The following TANC2 variants were observed in gnomAD, a reference collection of about 807,000 sequenced individuals.
TANC2 encodes protein TANC2.
TANC2 carries 26 observed loss-of-function variants against 210.5 expected under a neutral mutation model. The observed-to-expected ratio is 0.12, with a 90% CI of 0.09 to 0.17. The LOEUF is 0.17. TANC2 is among the 10% of genes least tolerant of loss of function. The pLI is 1.00. For synonymous variants in TANC2, 931 were observed against 967.1 expected (o/e 0.96, Z 0.69); for missense variants, 2,129 against 2,608.9 (o/e 0.82, Z 4.01).
intron 8 of TANC2, among the ~76,000 whole-genome samples, chr17:63,247,913 A>G (rs1360994653): frequency 6.6e-6 from 1 of 152,116 alleles, no homozygotes; most frequent in Non-Finnish European, 1.5e-5. Flanking sequence ...TCTGGAAACC[A>G]TGGTTTCAGG....
At chr17:62,986,407 T>G (rs1316540512) in intron 1 of TANC2, among the ~76,000 whole-genome samples, 1 of 152,186 alleles carries the variant, frequency 6.6e-6, no homozygotes, top group East Asian at 1.9e-4. Context: ...ACACACCTGC[T>G]TGGCTGACCT....
rs1293073210 is a variant in TANC2 at position 63,426,256 on chromosome 17, C to G, written c.*4301C>G. The G allele has an allele frequency of 2.6e-5, 4 of 152,330 alleles. No individual in the cohort carries two copies. In the East Asian group the frequency reaches 7.7e-4, roughly 29 times the overall value. 9.4% of individuals were successfully genotyped at this position (152,330 alleles called of 1,614,324 possible). A position where few individuals can be genotyped will look rare whatever the true frequency, so the allele number is the denominator to read the frequency against. ...CCTCTAGGAATTCCAGACCGACCAT[C>G]TACCATGACTAACAACAATGAACAA... On this transcript the variant is annotated 3_prime_UTR_variant, in exon 28 of 28. Coordinates refer to ENST00000689528, the Ensembl canonical transcript of TANC2.
rs1278305517 is a variant in TANC2, at chr17:63,395,736, C to T, written c.3052-7C>T. On this transcript the variant is annotated splice_polypyrimidine_tract_variant and splice_region_variant and intron_variant, in intron 17 of 27. Transcript: ENST00000689528. ...GTTCACACATATCTCCTGTCCTCTC[C>T]TCTTAGGTGGATCATTTGGATAAGA... The T allele has an allele frequency of 1.2e-6, 2 of 1,612,694 alleles. No homozygotes were observed. The highest frequency in any genetic ancestry group is 2.2e-5 in the East Asian group (1 of 44,856).
chr17:63,304,308 T>C (rs1042775226), intron 9 of TANC2, among the ~76,000 whole-genome samples: 1 of 152,208 alleles, frequency 6.6e-6, no homozygotes, highest in Non-Finnish European at 1.5e-5. Context: ...GCTTTCTGTT[T>C]GTTTTTCTTG....
intron 7 of TANC2, among the ~76,000 whole-genome samples, chr17:63,211,848 G>A (rs2041895671): frequency 1.3e-5 from 2 of 152,166 alleles, no homozygotes; most frequent in Admixed American, 1.3e-4. Flanking sequence ...AGGAGGGAAT[G>A]AAAGGCTCAC....
chr17:63,183,062 A>G (rs955233743), intron 5 of TANC2, among the ~76,000 whole-genome samples: 1 of 115,876 alleles, frequency 8.6e-6, no homozygotes, highest in Non-Finnish European at 1.7e-5. Flanking sequence ...ATGAGGCCAC[A>G]TAATAGGACC....
chr17:63,059,312 G>A (rs143324198), intron 2 of TANC2, among the ~76,000 whole-genome samples: 5 of 152,186 alleles, frequency 3.3e-5, no homozygotes, highest in African/African-American at 9.6e-5. Flanking sequence ...ATTTTCTTCT[G>A]TACTTTGTTT....
chr17:63,261,133 A>G (rs2043343012), intron 8 of TANC2, among the ~76,000 whole-genome samples: 1 of 152,102 alleles, frequency 6.6e-6, no homozygotes, highest in Non-Finnish European at 1.5e-5. Context: ...CCTCCCAGCT[A>G]CTTCGGAGGC....
chr17:63,181,654 A>G (rs965450890), intron 5 of TANC2, among the ~76,000 whole-genome samples: 4 of 152,188 alleles, frequency 2.6e-5, no homozygotes, highest in Non-Finnish European at 2.9e-5. Flanking sequence ...ACCACCTTAA[A>G]TTCTGCTTTG....
rs534710528 is a variant in TANC2, at chr17:63,269,571, T to C, written c.1159+1698T>C. ...TTGACTTTATTTTCTGCTTTACTAA[T>C]CATTGAATAATAGATGTTATACTAC... On this transcript the variant is annotated intron_variant, in intron 9 of 27. Coordinates refer to ENST00000689528, the Ensembl canonical transcript of TANC2. Among the ~76,000 whole-genome samples, 8 of 152,312 alleles carry C rather than the reference T, an allele frequency of 5.3e-5. No homozygotes were observed. In the South Asian group the frequency reaches 1.2e-3, roughly 24 times the overall value.
intron 2 of TANC2, among the ~76,000 whole-genome samples, chr17:63,030,250 G>A (rs111939333): frequency 1.9e-3 from 295 of 152,196 alleles, no homozygotes; most frequent in African/African-American, 6.8e-3. Context: ...TGGTAGTTAG[G>A]ATGGTTAGAA....
intron 15 of TANC2, 36 bp from the exon 16 acceptor site, chr17:63,388,599 G>T (rs1226310226): frequency 1.9e-6 from 3 of 1,568,038 alleles, no homozygotes; most frequent in East Asian, 2.3e-5. Flanking sequence ...TTTTTTTGCT[G>T]GGCTACTAAT....
intron 1 of TANC2, among the ~76,000 whole-genome samples, chr17:62,972,082 A>G (rs1001821227): frequency 4.3e-4 from 65 of 152,188 alleles, no homozygotes; most frequent in African/African-American, 1.2e-3. Flanking sequence ...TTAGTGAAAA[A>G]ACTTTCTGGG....
intron 12 of TANC2, among the ~76,000 whole-genome samples, chr17:63,345,166 AT>A (rs2046359678): frequency 6.6e-6 from 1 of 152,246 alleles, no homozygotes. Context: ...ACCAAAAAAT[AT>A]ATAATACTTA....
At chr17:63,399,149 C>G (rs531625828) in intron 19 of TANC2, 12 of 290,634 alleles carry the variant, frequency 4.1e-5, no homozygotes, top group African/African-American at 2.6e-4. Context: ...AACTTTTTCC[C>G]TCTCTTGTTT....
chr17:63,111,141 G>T (rs1003583469), intron 4 of TANC2, among the ~76,000 whole-genome samples: 4 of 152,042 alleles, frequency 2.6e-5, no homozygotes, highest in Non-Finnish European at 5.9e-5. Flanking sequence ...TCAAAATCCT[G>T]TTTCTACTAA....
At chr17:63,137,278 C>G (rs1330343555) in intron 4 of TANC2, among the ~76,000 whole-genome samples, 1 of 152,086 alleles carries the variant, frequency 6.6e-6, no homozygotes, top group African/African-American at 2.4e-5. Flanking sequence ...ATTGACTTAC[C>G]TGCTTTGGAG....
chr17:63,401,356 C>A (rs1237391262), intron 19 of TANC2, among the ~76,000 whole-genome samples: 4 of 152,136 alleles, frequency 2.6e-5, no homozygotes, highest in African/African-American at 7.2e-5. Context: ...ATCTAAGACA[C>A]CATTAACTTT....
At chr17:63,422,215 G>A (rs1345990104) in exon 28 of TANC2, 1 of 420,330 alleles carries the variant, frequency 2.4e-6, no homozygotes, top group Non-Finnish European at 4.3e-6. Flanking sequence ...AGATTTTCGT[G>A]CTGTGTGCTT....
Sources: gnomAD v4.1 joint callset for allele counts (sites outside exome capture counted in the v4.1 genomes callset) on GRCh38, gnomAD v4.1.1 for gene constraint, MANE v1.5 for transcripts, NCBI Gene and HGNC (gene_info 2026-07-23, HGNC 2026-07-21) for gene names.